Variants in DZIP3 observed in about 807,000 individuals in gnomAD.
DZIP3 encodes DAZ interacting zinc finger protein 3.
In DZIP3, 118 loss-of-function variants were observed where a neutral mutation model predicts 162.0. The observed-to-expected ratio is 0.73, with a 90% CI of 0.63 to 0.85. The LOEUF is 0.85. Among genes scored for constraint, DZIP3 ranks in the 40% least tolerant of loss-of-function variants. DZIP3 has a pLI of 0.00. For missense variants in DZIP3, 1,331 were observed against 1,407.0 expected (o/e 0.95, Z 0.86); for synonymous variants, 438 against 458.6 (o/e 0.96, Z 0.57).
chr3:108,634,050 A>G (rs948594635), intron 9 of DZIP3, among the ~76,000 whole-genome samples: 2 of 147,542 alleles, frequency 1.4e-5, no homozygotes, highest in African/African-American at 4.9e-5. Context: ...TGATGTGAAA[A>G]TCAGACAATA....
At chr3:108,675,990 AG>A (rs2107370542) in intron 25 of DZIP3, 117 bp downstream of exon 25, 1 of 848,120 alleles carries the variant, frequency 1.2e-6, no homozygotes, top group East Asian at 3.0e-5. Flanking sequence ...TAGTTATAAA[AG>A]TTTATGCCTT....
At chr3:108,615,049 T>C (rs1213177501) in intron 4 of DZIP3, among the ~76,000 whole-genome samples, 7 of 152,284 alleles carry the variant, frequency 4.6e-5, no homozygotes, top group East Asian at 3.9e-4. Flanking sequence ...CTCCTCCTTA[T>C]AGACCATGCA....
At chr3:108,652,259 T>C (rs1029296781) in intron 18 of DZIP3, among the ~76,000 whole-genome samples, 1 of 151,808 alleles carries the variant, frequency 6.6e-6, no homozygotes, top group Non-Finnish European at 1.5e-5. Context: ...CATATATACC[T>C]ATAACTCTGA....
rs537849168 is a variant in DZIP3, at chr3:108,684,466, TTGAA to T, written c.3009+131_3009+134del. 20 of 1,195,278 alleles carry T rather than the reference TTGAA, an allele frequency of 1.7e-5. No individual in the cohort carries two copies. In the South Asian group the frequency reaches 3.0e-4, roughly 18 times the overall value. 74.0% of individuals were successfully genotyped at this position (1,195,278 alleles called of 1,614,324 possible). On this transcript the variant is annotated intron_variant, in intron 27 of 32. Coordinates refer to ENST00000361582, the MANE Select transcript of DZIP3 (RefSeq NM_014648.4). ...ATAATGATGGGGGTGGTGGTGATAATTGAATGAATACTTCCTGTGAAGCACTGTG... is the reference window on the plus strand; with the variant it reads ...ATAATGATGGGGGTGGTGGTGATAATTGAATACTTCCTGTGAAGCACTGTG...
chr3:108,682,872 T>C (rs1276348731), intron 26 of DZIP3, among the ~76,000 whole-genome samples: 1 of 150,754 alleles, frequency 6.6e-6, no homozygotes, highest in Non-Finnish European at 1.5e-5. Flanking sequence ...TTGTACCCCA[T>C]AAAAATGTAC....
intron 13 of DZIP3, 148 bp downstream of exon 13, chr3:108,642,662 T>C: frequency 1.2e-6 from 1 of 857,780 alleles, no homozygotes; most frequent in Non-Finnish European, 1.7e-6. Flanking sequence ...GCGCTTGGTG[T>C]AGGCTGGAAA....
At chr3:108,615,917 G>A (rs777752819) in intron 4 of DZIP3, among the ~76,000 whole-genome samples, 6 of 152,138 alleles carry the variant, frequency 3.9e-5, no homozygotes, top group Admixed American at 6.5e-5. Context: ...TTCCTCTGAA[G>A]TAGGTGTGGA....
Position 108,625,800 on chromosome 3 carries a change from AAAAT to A in DZIP3, c.457-44_457-41del, listed in dbSNP as rs764008719. 2.6e-5 allele frequency: 39 copies of A among 1,516,818 alleles called. No homozygotes were observed. The Middle Eastern group carries it at 5.7e-4, about 22-fold the overall frequency. The allele number at this position is 1,516,818 out of a possible 1,614,324, so 94.0% of individuals were successfully genotyped here. ...GTAATTGTTTATTGTAAAAAAAAAA[AAAAT>A]GACTTTTACAGTAGCCAAACCTAGT... is the stretch of plus-strand genomic sequence containing the variant. On this transcript the variant is annotated intron_variant, in intron 6 of 32. Transcript: ENST00000361582.
intron 5 of DZIP3, among the ~76,000 whole-genome samples, chr3:108,620,829 GTTTTT>G (rs1378219635): frequency 6.6e-6 from 1 of 151,982 alleles, no homozygotes; most frequent in Non-Finnish European, 1.5e-5. Flanking sequence ...GTTTTGTTTT[GTTTTT>G]GTTTTGAGAT....
rs1482065066 is a variant in DZIP3, at chr3:108,684,293, A to C, written c.2961A>C (p.Ala987=). The change falls in exon 27 of 33, where the codon GCA becomes GCC. Residue 987 remains alanine (A), a synonymous_variant. Transcript: ENST00000361582. ...TACTTACTGTTCCTCAAATGCCTGC[A>C]GTTTGCCCGGGAGTCGTCTCTGCAA... The part of the protein sequence containing the change: ...RPILTVPQMP[A]VCPGVVSATG... 4 of 1,613,492 alleles carry C rather than the reference A, an allele frequency of 2.5e-6. No homozygotes were observed. The highest frequency in any genetic ancestry group is 1.7e-5 in the Admixed American group (1 of 59,950).
intron 1 of DZIP3, among the ~76,000 whole-genome samples, chr3:108,605,099 T>TG (rs1436407648): frequency 1.3e-5 from 2 of 152,094 alleles, no homozygotes; most frequent in Non-Finnish European, 2.9e-5. Context: ...GTGAAAAATG[T>TG]GGGGTAGAAC....
chr3:108,629,108 G>A lies in DZIP3; in HGVS notation c.628G>A (p.Gly210Arg), dbSNP rs780796653. Residue 210 changes from glycine (G) to arginine (R), a missense_variant, in exon 8 of 33, where the codon GGA becomes AGA. Gly to Arg is a moderately radical substitution (Grantham distance 125). This residue lies in a region of DZIP3 where 1,278 missense variants were observed against 1,317.1 expected (regional missense o/e 0.97). Transcript: ENST00000361582. ...LEFHKSLQEIGDKNDHWFDID... is the reference protein window; with the variant it reads ...LEFHKSLQEIRDKNDHWFDID... ...ATTTCATAAAAGCTTACAAGAAATT[G>A]GAGACAAAAATGACCATTGGTTTGA... 12 of 1,602,916 alleles carry A rather than the reference G, an allele frequency of 7.5e-6. No individual in the cohort carries two copies. Among genetic ancestry groups the A allele is most frequent in the Non-Finnish European group, 7.7e-6 (9 of 1,176,400 alleles).
At chr3:108,616,405 G>A (rs140236982) in intron 4 of DZIP3, 136 bp from the exon 5 acceptor site, 1 of 435,988 alleles carries the variant, frequency 2.3e-6, no homozygotes, top group South Asian at 3.6e-5. Flanking sequence ...GGTTGGTATG[G>A]ATTTTTTTTT....
chr3:108,642,361 C>T (rs1942436988), intron 12 of DZIP3, 77 bp from the exon 13 acceptor site: 2 of 1,373,174 alleles, frequency 1.5e-6, no homozygotes, highest in African/African-American at 1.5e-5. Flanking sequence ...CTCACTTAGC[C>T]ATGCTCATAC....
chr3:108,683,624 G>A (rs776881043), intron 26 of DZIP3, among the ~76,000 whole-genome samples: 10 of 152,108 alleles, frequency 6.6e-5, no homozygotes, highest in Admixed American at 6.5e-4. Flanking sequence ...GGGAAGTACG[G>A]TAATACCCAC....
At chr3:108,606,974 T>C (rs912433300) in intron 2 of DZIP3, among the ~76,000 whole-genome samples, 9 of 152,194 alleles carry the variant, frequency 5.9e-5, no homozygotes, top group African/African-American at 2.2e-4. Context: ...CTTGAGAACA[T>C]GTTATACTCT....
intron 19 of DZIP3, among the ~76,000 whole-genome samples, chr3:108,656,479 C>G (rs1943126565): frequency 6.6e-6 from 1 of 152,102 alleles, no homozygotes; most frequent in African/African-American, 2.4e-5. Flanking sequence ...GCATCCACAC[C>G]AAAACCCCAT....
At chr3:108,632,834 G>C (rs1265231556) in intron 8 of DZIP3, 119 bp from the exon 9 acceptor site, 3 of 468,668 alleles carry the variant, frequency 6.4e-6, no homozygotes, top group African/African-American at 2.0e-5. Context: ...ATATATACAA[G>C]TACTTCGAAA....
chr3:108,598,272 C>T (rs1939809606), intron 1 of DZIP3, among the ~76,000 whole-genome samples: 2 of 152,122 alleles, frequency 1.3e-5, no homozygotes, highest in Non-Finnish European at 2.9e-5. Context: ...AATTTCTGCT[C>T]TTACGGATTT....
Sources: gnomAD v4.1 joint callset for allele counts (sites outside exome capture counted in the v4.1 genomes callset) on GRCh38, gnomAD v4.1.1 for gene constraint, gnomAD v4.1.1 regional missense constraint, MANE v1.5 for transcripts, NCBI Gene and HGNC (gene_info 2026-07-23, HGNC 2026-07-21) for gene names.